The following RNLS variants were observed in gnomAD, a reference collection of about 807,000 sequenced individuals.
RNLS encodes renalase, FAD dependent amine oxidase, also known as renalase.
In RNLS, 39 loss-of-function variants were observed where a neutral mutation model predicts 39.8. The ratio of observed to expected loss-of-function variants is 0.98; its 90% CI spans 0.76 to 1.28. The LOEUF (loss-of-function observed/expected upper bound fraction) is 1.28. Ranked by LOEUF, RNLS falls within the 50% of genes most tolerant of loss-of-function variation. RNLS has a pLI of 0.00. For missense variants in RNLS, 410 were observed against 413.3 expected (o/e 0.99, Z 0.07); for synonymous variants, 147 against 150.7 (o/e 0.98, Z 0.18).
downstream of RNLS, among the ~76,000 whole-genome samples, chr10:88,279,457 C>T (rs564520531): frequency 1.3e-5 from 2 of 152,144 alleles, no homozygotes; most frequent in African/African-American, 2.4e-5. Context: ...ATTTCATAGA[C>T]GAGGGCCCTG....
rs147444936 is a variant in RNLS at position 88,336,156 on chromosome 10, T to C, written c.701-21515A>G. Among the ~76,000 whole-genome samples the C allele has an allele frequency of 3.4e-4, 52 of 152,314 alleles. No homozygotes were observed. In the East Asian group the frequency reaches 8.3e-3, roughly 24 times the overall value. ...CAGAGCAATTACAGCTCTAGTTCCATAGGCAACCCTAAGAAACTTTTCTAT... is the reference window on the plus strand; with the variant it reads ...CAGAGCAATTACAGCTCTAGTTCCACAGGCAACCCTAAGAAACTTTTCTAT... On this transcript the variant is annotated intron_variant, in intron 5 of 6. Transcript: ENST00000331772.
intron 4 of RNLS, among the ~76,000 whole-genome samples, chr10:88,434,472 G>A (rs1237365852): frequency 6.6e-6 from 1 of 152,132 alleles, no homozygotes; most frequent in East Asian, 1.9e-4. Context: ...TTATTATGTG[G>A]TGTTAATTAT....
At chr10:88,467,170 AAGGCCAGTGAGT>A (rs1392363051) in intron 4 of RNLS, among the ~76,000 whole-genome samples, 1 of 152,142 alleles carries the variant, frequency 6.6e-6, no homozygotes, top group Non-Finnish European at 1.5e-5. Flanking sequence ...GCTGTAAGGC[AAGGCCAGTGAGT>A]AGGTCCCTCT....
At chr10:88,253,649 C>G in the RNLS span, among the ~76,000 whole-genome samples, 1 of 152,180 alleles carries the variant, frequency 6.6e-6, no homozygotes, top group Non-Finnish European at 1.5e-5. Flanking sequence ...TGTCTCTGGC[C>G]TGGAATTTAC....
intron 5 of RNLS, among the ~76,000 whole-genome samples, chr10:88,316,236 T>G (rs76914642): frequency 6.6e-6 from 1 of 152,040 alleles, no homozygotes; most frequent in Non-Finnish European, 1.5e-5. Context: ...AAAGAGGAAA[T>G]AGAGGGGCCA....
At position 88,454,059 on chromosome 10, in the gene RNLS, T is replaced by C. The variant is rs1418765436; in HGVS notation, c.527-91334A>G. The stretch of plus-strand genomic sequence containing the variant: ...AGTGGATGAGATTCCTGATGGATTA[T>C]GGGTAGAATTAGAAGAGAAGATAGC... On this transcript the variant is annotated intron_variant, in intron 4 of 6. Coordinates refer to ENST00000331772, the MANE Select transcript of RNLS (RefSeq NM_001031709.3). Among the ~76,000 whole-genome samples, 4 of 152,174 alleles carry C rather than the reference T, an allele frequency of 2.6e-5. No homozygotes were observed. The East Asian group carries it at 5.8e-4, about 22-fold the overall frequency.
chr10:88,407,251 C>T (rs1185220241), intron 4 of RNLS, among the ~76,000 whole-genome samples: 1 of 151,930 alleles, frequency 6.6e-6, no homozygotes, highest in Non-Finnish European at 1.5e-5. Flanking sequence ...GTGGAATACG[C>T]CAGCCCACTA....
chr10:88,549,173 T>G (rs986005204), intron 4 of RNLS, among the ~76,000 whole-genome samples: 4 of 152,188 alleles, frequency 2.6e-5, no homozygotes, highest in Admixed American at 6.5e-5. Flanking sequence ...TACAAAAATT[T>G]TGCCAATACA....
the RNLS span, among the ~76,000 whole-genome samples, chr10:88,237,653 T>C: frequency 6.6e-6 from 1 of 152,214 alleles, no homozygotes; most frequent in African/African-American, 2.4e-5. Context: ...TATAAGAAAG[T>C]AGCAGAGAAT....
chr10:88,350,215 C>CTT (rs558628829), intron 5 of RNLS, among the ~76,000 whole-genome samples: 5 of 141,898 alleles, frequency 3.5e-5, no homozygotes, highest in East Asian at 2.1e-4. Context: ...TCATTCAATT[C>CTT]TTTTTTTTTT....
intron 3 of RNLS, among the ~76,000 whole-genome samples, chr10:88,575,282 G>GTGTA (rs1850136242): frequency 2.9e-5 from 4 of 135,900 alleles, no homozygotes; most frequent in Middle Eastern, 3.7e-3. Context: ...GTGTGTGTGT[G>GTGTA]TATATATATA....
the RNLS span, among the ~76,000 whole-genome samples, chr10:88,178,353 G>A: frequency 5.3e-5 from 8 of 152,258 alleles, no homozygotes; most frequent in Non-Finnish European, 1.0e-4. Flanking sequence ...TGGGGAGTGA[G>A]GGCGACCAAG....
intron 4 of RNLS, among the ~76,000 whole-genome samples, chr10:88,568,854 G>A (rs112840636): frequency 1.3e-4 from 20 of 152,206 alleles, no homozygotes; most frequent in South Asian, 1.2e-3. Flanking sequence ...GCTAAGGCAC[G>A]GTATTAATAA....
chr10:88,389,441 T>C (rs1406847288), intron 4 of RNLS, among the ~76,000 whole-genome samples: 1 of 152,324 alleles, frequency 6.6e-6, no homozygotes, highest in Middle Eastern at 3.4e-3. Context: ...AACATACCCT[T>C]AGCAAAATGA....
At chr10:88,571,848 T>C (rs1849858603) in intron 4 of RNLS, among the ~76,000 whole-genome samples, 1 of 152,206 alleles carries the variant, frequency 6.6e-6, no homozygotes, top group East Asian at 1.9e-4. Flanking sequence ...TTCACATGTA[T>C]ACTAGAAATT....
intron 4 of RNLS, among the ~76,000 whole-genome samples, chr10:88,550,340 G>C (rs1848549291): frequency 6.6e-6 from 1 of 152,112 alleles, no homozygotes; most frequent in African/African-American, 2.4e-5. Context: ...ATTAGGTGAT[G>C]GAATAGTTGA....
At chr10:88,229,035 A>T in the RNLS span, among the ~76,000 whole-genome samples, 1 of 152,232 alleles carries the variant, frequency 6.6e-6, no homozygotes, top group South Asian at 2.1e-4. Context: ...CAATCCACCC[A>T]TCCATCCCCT....
chr10:88,343,433 T>TG (rs1848098848), intron 5 of RNLS: 1 of 641,776 alleles, frequency 1.6e-6, no homozygotes, highest in African/African-American at 2.0e-5. Context: ...ATGGGAAAGA[T>TG]GGGGGAGGAA....
chr10:88,205,556 A>G, the RNLS span, among the ~76,000 whole-genome samples: 1 of 152,126 alleles, frequency 6.6e-6, no homozygotes, highest in Non-Finnish European at 1.5e-5. Flanking sequence ...TTGGACTGTG[A>G]TGAACTGACC....
Sources: allele counts gnomAD v4.1 joint callset (sites outside exome capture counted in the v4.1 genomes callset), GRCh38; gene constraint gnomAD v4.1.1; transcripts MANE v1.5; gene names NCBI Gene and HGNC (gene_info 2026-07-23, HGNC 2026-07-21).